The following FUT8 variants were observed in gnomAD, a reference collection of about 807,000 sequenced individuals.
FUT8 encodes the protein fucosyltransferase 8, also known as alpha-(1,6)-fucosyltransferase.
In FUT8, 29 loss-of-function variants were observed where a neutral mutation model predicts 71.3. The observed-to-expected ratio is 0.41, with a 90% CI of 0.30 to 0.55. FUT8 has a LOEUF of 0.55. Among genes scored for constraint, FUT8 ranks in the 20% least tolerant of loss-of-function variants. The pLI is 0.34. For missense variants in FUT8, 544 were observed against 702.1 expected (o/e 0.77, Z 2.55); for synonymous variants, 254 against 239.3 (o/e 1.06, Z -0.57).
intron 7 of FUT8, among the ~76,000 whole-genome samples, chr14:65,677,151 T>TGTGCGCGCGC: frequency 2.1e-4 from 23 of 110,740 alleles, no homozygotes; most frequent in Non-Finnish European, 3.1e-4. Flanking sequence ...TGTGTGTGTG[T>TGTGCGCGCGC]GCGCGCGCGC....
chr14:65,392,485 T>G, the FUT8 span, among the ~76,000 whole-genome samples: 1 of 152,194 alleles, frequency 6.6e-6, no homozygotes, highest in African/African-American at 2.4e-5. Flanking sequence ...TGCTTTAAAA[T>G]TTCTGGTGCT....
chr14:65,654,600 A>G (rs977284283), intron 6 of FUT8, among the ~76,000 whole-genome samples: 4 of 152,100 alleles, frequency 2.6e-5, no homozygotes, highest in Non-Finnish European at 4.4e-5. Flanking sequence ...CCAAAAAAAA[A>G]AAAGCTCTAT....
chr14:65,742,012 A>T, intron 10 of FUT8, 81 bp from the exon 11 acceptor site: 2 of 1,167,960 alleles, frequency 1.7e-6, no homozygotes, highest in Non-Finnish European at 2.5e-6. Context: ...CCTAGAGCCC[A>T]TCCTTTTGGC....
rs1163052408 is a variant in FUT8 at position 65,602,343 on chromosome 14, TCACACACACACACACACA to T, written c.204-13592_204-13575del. 5.6e-4 allele frequency among the ~76,000 whole-genome samples: 27 copies of T among 48,502 alleles called. 1 individual carries two copies. Among genetic ancestry groups the T allele is most frequent in the South Asian group, 3.6e-3 (5 of 1,376 alleles). 31.8% of individuals were successfully genotyped at this position (48,502 alleles called of 152,430 possible). ...TCATGGCCGAGTAGCGTTCCATCTC[TCACACACACACACACACA>T]CACACACACACACACACACACACAC... On this transcript the variant is annotated intron_variant, in intron 3 of 10. Transcript: ENST00000673929.
intron 7 of FUT8, among the ~76,000 whole-genome samples, chr14:65,696,062 T>C (rs780340018): frequency 2.0e-5 from 3 of 152,150 alleles, no homozygotes; most frequent in Non-Finnish European, 2.9e-5. Context: ...CGTAAAGCAT[T>C]ACTATCATTC....
intron 6 of FUT8, among the ~76,000 whole-genome samples, chr14:65,661,564 AT>A (rs1235782311): frequency 6.6e-6 from 1 of 152,200 alleles, no homozygotes; most frequent in Non-Finnish European, 1.5e-5. Flanking sequence ...GGGCAATTAC[AT>A]TGTGGCTGGA....
At chr14:65,735,090 C>A (rs553954248) in intron 10 of FUT8, among the ~76,000 whole-genome samples, 4 of 152,124 alleles carry the variant, frequency 2.6e-5, no homozygotes, top group Non-Finnish European at 2.9e-5. Context: ...TAAATGTTTA[C>A]CAACCTCACA....
chr14:65,697,584 T>TG (rs1321367488), intron 7 of FUT8, among the ~76,000 whole-genome samples: 1 of 152,188 alleles, frequency 6.6e-6, no homozygotes, highest in Non-Finnish European at 1.5e-5. Context: ...TCTCTGGAAC[T>TG]GAAGAAAAGT....
At position 65,413,613 on chromosome 14, in the gene FUT8, C is replaced by G. The variant is rs984642356; in HGVS notation, c.-326+399C>G. Among the ~76,000 whole-genome samples, 7 of 152,160 alleles carry G rather than the reference C, an allele frequency of 4.6e-5. No individual in the cohort carries two copies. Among genetic ancestry groups the G allele is most frequent in the African/African-American group, 1.7e-4 (7 of 41,448 alleles). ...ACCTTCCCTTCGTCAGCAGCTCGGTCCCTGGAGTCGCGGTTTGTGGGGAGG... is the reference window on the plus strand; with the variant it reads ...ACCTTCCCTTCGTCAGCAGCTCGGTGCCTGGAGTCGCGGTTTGTGGGGAGG... On this transcript the variant is annotated intron_variant, in intron 1 of 10. Coordinates refer to ENST00000673929, the MANE Select transcript of FUT8 (RefSeq NM_001371533.1). The surrounding 1 kb of genome is among the most constrained non-coding windows in gnomAD (Gnocchi z 4.1).
chr14:65,449,844 C>T (rs571834941), intron 1 of FUT8, among the ~76,000 whole-genome samples: 1 of 152,306 alleles, frequency 6.6e-6, no homozygotes, highest in Admixed American at 6.5e-5. Flanking sequence ...GGCCTTAGGA[C>T]CATCAGTGTT....
intron 7 of FUT8, among the ~76,000 whole-genome samples, chr14:65,711,002 A>G (rs1259159181): frequency 6.6e-6 from 1 of 152,078 alleles, no homozygotes; most frequent in Non-Finnish European, 1.5e-5. Flanking sequence ...GCAGGAACTC[A>G]CTCATTACCT....
chr14:65,390,725 C>CT, the FUT8 span, among the ~76,000 whole-genome samples: 82,874 of 134,568 alleles, frequency 0.62, 26,160 homozygotes, highest in Non-Finnish European at 0.67. Flanking sequence ...ATTTCCTATT[C>CT]TTTTTTTTTT....
rs1290674823 is a variant in FUT8, at chr14:65,643,928, A to G, written c.597+14322A>G. Among the ~76,000 whole-genome samples, 2 of 152,082 alleles carry G rather than the reference A, an allele frequency of 1.3e-5. No homozygotes were observed. Among genetic ancestry groups the G allele is most frequent in the Non-Finnish European group, 2.9e-5 (2 of 67,998 alleles). ...AGAAATATGCCTCATTTTTTTCAAG[A>G]AATGGCAGGTTTCGCTATAGTTCGA... On this transcript the variant is annotated intron_variant, in intron 6 of 10. Transcript: ENST00000673929. The surrounding 1 kb of genome is among the most constrained non-coding windows in gnomAD (Gnocchi z 4.5).
chr14:65,590,556 G>T (rs560823960), intron 3 of FUT8, among the ~76,000 whole-genome samples: 2 of 152,264 alleles, frequency 1.3e-5, no homozygotes, highest in South Asian at 4.1e-4. Context: ...GCCTAGATGG[G>T]AGCCTGGTAG....
chr14:65,683,657 T>C (rs1480138931), intron 7 of FUT8, among the ~76,000 whole-genome samples: 1 of 152,152 alleles, frequency 6.6e-6, no homozygotes, highest in African/African-American at 2.4e-5. Flanking sequence ...AATATTTGGA[T>C]ATTGAGGAAT....
intron 2 of FUT8, among the ~76,000 whole-genome samples, chr14:65,543,555 A>G (rs1199215615): frequency 6.6e-6 from 1 of 152,158 alleles, no homozygotes; most frequent in Admixed American, 6.5e-5. Context: ...AAAAAAACAT[A>G]GAGTGTTGTA....
chr14:65,692,229 G>T (rs1174957835), intron 7 of FUT8, among the ~76,000 whole-genome samples: 1 of 150,920 alleles, frequency 6.6e-6, no homozygotes, highest in East Asian at 2.0e-4. Flanking sequence ...CCAGGCGGGG[G>T]GCTGACCCCC....
chr14:65,628,519 T>C (rs1159846668), intron 5 of FUT8, among the ~76,000 whole-genome samples: 1 of 152,150 alleles, frequency 6.6e-6, no homozygotes, highest in African/African-American at 2.4e-5. Context: ...GGTGGTGATA[T>C]GTGAAAAATT....
At chr14:65,611,259 A>ACCCCAAGTAATAGCCTTGATTTTG (rs1566851228) in intron 3 of FUT8, among the ~76,000 whole-genome samples, 3 of 69,816 alleles carry the variant, frequency 4.3e-5, no homozygotes, top group African/African-American at 3.2e-4. Context: ...ACACACACAC[A>ACCCCAAGTAATAGCCTTGATTTTG]CACACACACA....
Sources: allele counts gnomAD v4.1 joint callset (sites outside exome capture counted in the v4.1 genomes callset), GRCh38; gene constraint gnomAD v4.1.1; non-coding constraint Gnocchi (gnomAD v3.1); transcripts MANE v1.5; gene names NCBI Gene and HGNC (gene_info 2026-07-23, HGNC 2026-07-21).